Variants in RPS6KC1 observed in about 807,000 individuals in gnomAD.
RPS6KC1 encodes inactive ribosomal protein S6 kinase delta-1.
A neutral mutation model predicts 103.8 loss-of-function variants in RPS6KC1; 54 were observed. That is an observed-to-expected ratio of 0.52 (90% CI 0.42 to 0.65). The LOEUF (loss-of-function observed/expected upper bound fraction) is 0.65, where lower values mean the gene tolerates loss of function less well. Among genes scored for constraint, RPS6KC1 ranks in the 30% least tolerant of loss-of-function variants. The pLI is 0.00. For missense variants in RPS6KC1, 1,151 were observed against 1,253.8 expected (o/e 0.92, Z 1.24); for synonymous variants, 439 against 438.7 (o/e 1.00, Z -0.01).
the RPS6KC1 span, among the ~76,000 whole-genome samples, chr1:213,358,166 A>T: frequency 6.6e-6 from 1 of 151,994 alleles, no homozygotes; most frequent in African/African-American, 2.4e-5. Flanking sequence ...GTTAGGGAGG[A>T]TTCCCTCTTT....
chr1:213,822,741 C>G, the RPS6KC1 span, among the ~76,000 whole-genome samples: 1 of 152,176 alleles, frequency 6.6e-6, no homozygotes, highest in African/African-American at 2.4e-5. Context: ...TTCTCTTTCT[C>G]CAACATGTTA....
At chr1:213,546,316 C>A in the RPS6KC1 span, 1 of 152,180 alleles carries the variant, frequency 6.6e-6, no homozygotes, top group Non-Finnish European at 1.5e-5. Flanking sequence ...AGTCCATTCT[C>A]ACCATGAGAA....
chr1:213,443,543 G>T, the RPS6KC1 span, among the ~76,000 whole-genome samples: 1 of 152,124 alleles, frequency 6.6e-6, no homozygotes, highest in Non-Finnish European at 1.5e-5. Context: ...GAAACGTGCT[G>T]GGCTGGGTTC....
the RPS6KC1 span, among the ~76,000 whole-genome samples, chr1:213,356,130 A>G: frequency 6.6e-6 from 1 of 152,196 alleles, no homozygotes; most frequent in Non-Finnish European, 1.5e-5. Context: ...TTGAGCTTAC[A>G]GTCTAGTGGA....
At chr1:213,339,396 T>C in the RPS6KC1 span, among the ~76,000 whole-genome samples, 1 of 152,204 alleles carries the variant, frequency 6.6e-6, no homozygotes, top group Non-Finnish European at 1.5e-5. Flanking sequence ...AACAATTGAC[T>C]CTGTTTCAGA....
At chr1:213,287,606 G>C in the RPS6KC1 span, among the ~76,000 whole-genome samples, 1 of 152,026 alleles carries the variant, frequency 6.6e-6, no homozygotes, top group Admixed American at 6.6e-5. Context: ...TGCAAGCACC[G>C]TTTTGTTCTT....
the RPS6KC1 span, among the ~76,000 whole-genome samples, chr1:213,363,739 TCTC>T: frequency 4.9e-4 from 63 of 128,738 alleles, 2 homozygotes; most frequent in East Asian, 3.1e-3. Flanking sequence ...TCTTTCTTTC[TCTC>T]TTCTTTCTCT....
chr1:213,787,094 T>C, the RPS6KC1 span, among the ~76,000 whole-genome samples: 3 of 152,208 alleles, frequency 2.0e-5, no homozygotes, highest in African/African-American at 2.4e-5. Flanking sequence ...ACTAACCTTA[T>C]AACTTTCATC....
At chr1:213,463,486 G>T in the RPS6KC1 span, among the ~76,000 whole-genome samples, 1 of 152,078 alleles carries the variant, frequency 6.6e-6, no homozygotes. Flanking sequence ...CTTTTACTCA[G>T]TTTCCCCCAA....
At chr1:213,858,841 T>G in the RPS6KC1 span, among the ~76,000 whole-genome samples, 1 of 152,170 alleles carries the variant, frequency 6.6e-6, no homozygotes, top group Non-Finnish European at 1.5e-5. Context: ...GGAGGCTCAC[T>G]CCATCCAATC....
chr1:213,794,008 C>T, the RPS6KC1 span, among the ~76,000 whole-genome samples: 9 of 152,082 alleles, frequency 5.9e-5, no homozygotes, highest in African/African-American at 1.4e-4. Context: ...ATTAGAAAAG[C>T]GACGAGATTA....
the RPS6KC1 span, among the ~76,000 whole-genome samples, chr1:213,535,051 C>T: frequency 5.9e-5 from 9 of 152,166 alleles, no homozygotes; most frequent in Admixed American, 5.9e-4. Context: ...GGCTTGGCAT[C>T]AGGGGGATTT....
intron 6 of RPS6KC1, 120 bp downstream of exon 6, chr1:213,130,009 T>C (rs2085423791): frequency 1.9e-6 from 2 of 1,049,290 alleles, no homozygotes; most frequent in Non-Finnish European, 2.7e-6. Flanking sequence ...GAGAAATTAC[T>C]GAAGCTTAAA....
chr1:213,095,728 A>T (rs2081388450), intron 3 of RPS6KC1, among the ~76,000 whole-genome samples: 1 of 152,246 alleles, frequency 6.6e-6, no homozygotes, highest in African/African-American at 2.4e-5. Flanking sequence ...AGTTGTGTTT[A>T]TACTGTACTG....
At chr1:213,329,825 G>A in the RPS6KC1 span, among the ~76,000 whole-genome samples, 9 of 152,068 alleles carry the variant, frequency 5.9e-5, no homozygotes, top group African/African-American at 1.4e-4. Context: ...GGGTCTCACC[G>A]TTGGACCCCC....
the RPS6KC1 span, among the ~76,000 whole-genome samples, chr1:213,594,746 G>C: frequency 7.2e-5 from 11 of 152,170 alleles, no homozygotes; most frequent in Non-Finnish European, 1.0e-4. Context: ...GACCCATTAG[G>C]GCATGGAGTC....
chr1:213,185,007 T>TAA (rs2092458017), intron 8 of RPS6KC1, among the ~76,000 whole-genome samples: 1 of 152,196 alleles, frequency 6.6e-6, no homozygotes, highest in African/African-American at 2.4e-5. Context: ...CCTATTAGAT[T>TAA]TAGTGTGTAG....
the RPS6KC1 span, among the ~76,000 whole-genome samples, chr1:213,616,823 G>A: frequency 4.6e-5 from 7 of 152,264 alleles, no homozygotes; most frequent in African/African-American, 1.7e-4. Flanking sequence ...CAGAGGCTGA[G>A]GGCATTGAGA....
the RPS6KC1 span, among the ~76,000 whole-genome samples, chr1:213,479,426 G>C: frequency 6.6e-6 from 1 of 152,036 alleles, no homozygotes. Context: ...TCTAAGGGTG[G>C]AAACTGGCAT....
Sources: gnomAD v4.1 joint callset for allele counts (sites outside exome capture counted in the v4.1 genomes callset) on GRCh38, gnomAD v4.1.1 for gene constraint, MANE v1.5 for transcripts, NCBI Gene and HGNC (gene_info 2026-07-23, HGNC 2026-07-21) for gene names.